LRRC4C: variants seen among roughly 807,000 people sequenced by gnomAD.
LRRC4C encodes leucine rich repeat containing 4C.
LRRC4C carries 5 observed loss-of-function variants against 33.6 expected under a neutral mutation model. The ratio of observed to expected loss-of-function variants is 0.15; its 90% CI spans 0.08 to 0.31. The LOEUF (loss-of-function observed/expected upper bound fraction) is 0.31. Ranked by LOEUF, LRRC4C falls within the 10% of genes least tolerant of loss-of-function variation. LRRC4C has a pLI of 1.00. For missense variants in LRRC4C, 560 were observed against 796.7 expected (o/e 0.70, Z 3.58); for synonymous variants, 329 against 302.0 (o/e 1.09, Z -0.93).
At chr11:40,137,827 AG>A (rs1366287072) in intron 6 of LRRC4C, among the ~76,000 whole-genome samples, 1 of 152,144 alleles carries the variant, frequency 6.6e-6, no homozygotes, top group African/African-American at 2.4e-5. Context: ...ATGAATTGTA[AG>A]ATCATTTTAA....
At chr11:41,400,361 A>G (rs952440923) in intron 1 of LRRC4C, among the ~76,000 whole-genome samples, 8 of 151,852 alleles carry the variant, frequency 5.3e-5, no homozygotes, top group African/African-American at 9.7e-5. Context: ...TTTTCTCCTT[A>G]GCTGTTTCTT....
chr11:40,599,435 G>A (rs1405889909), intron 3 of LRRC4C, among the ~76,000 whole-genome samples: 2 of 152,162 alleles, frequency 1.3e-5, no homozygotes, highest in Non-Finnish European at 2.9e-5. Flanking sequence ...GAGACAGAGC[G>A]AGACCCTGTC....
chr11:41,140,202 C>G lies in LRRC4C; in HGVS notation c.-495-206479G>C, dbSNP rs544440103. On this transcript the variant is annotated intron_variant, in intron 1 of 6. Coordinates refer to ENST00000528697, the MANE Select transcript of LRRC4C (RefSeq NM_001258419.2). ...TAGTAGATGACAATGTTGAAATTTA[C>G]CCAACCCTGCTATCCTGGAAAACAA... 5.3e-5 allele frequency among the ~76,000 whole-genome samples: 8 copies of G among 152,212 alleles called. No homozygotes were observed. The South Asian group carries it at 8.3e-4, about 16-fold the overall frequency.
intron 4 of LRRC4C, among the ~76,000 whole-genome samples, chr11:40,273,254 T>C (rs1404053467): frequency 2.0e-5 from 3 of 152,028 alleles, no homozygotes; most frequent in African/African-American, 7.2e-5. Flanking sequence ...AAACATATAA[T>C]TAGTAGGTAA....
rs573542870 is a variant in LRRC4C, at chr11:40,916,798, TAGAG to T, written c.-407+16833_-407+16836del. Among the ~76,000 whole-genome samples, 21 of 152,114 alleles carry T rather than the reference TAGAG, an allele frequency of 1.4e-4. No individual in the cohort carries two copies. The East Asian group carries it at 3.3e-3, about 24-fold the overall frequency. ...GACTATTGAGACACTTAATTGGTCT[TAGAG>T]GGAGGGTAGAAAAATTGGTTGAGGT... On this transcript the variant is annotated intron_variant, in intron 2 of 6. Transcript: ENST00000528697.
At chr11:41,245,347 G>A (rs1206371758) in intron 1 of LRRC4C, among the ~76,000 whole-genome samples, 1 of 152,134 alleles carries the variant, frequency 6.6e-6, no homozygotes, top group East Asian at 1.9e-4. Context: ...AGCCAGGCAT[G>A]GAGCACGAAA....
At chr11:40,770,081 G>C (rs1316620041) in intron 2 of LRRC4C, among the ~76,000 whole-genome samples, 2 of 152,108 alleles carry the variant, frequency 1.3e-5, no homozygotes, top group Non-Finnish European at 2.9e-5. Flanking sequence ...CACACAGAAT[G>C]ACAGAAAGCA....
intron 1 of LRRC4C, among the ~76,000 whole-genome samples, chr11:41,313,646 G>A (rs1037926038): frequency 1.3e-5 from 2 of 152,170 alleles, no homozygotes; most frequent in South Asian, 2.1e-4. Context: ...GTCTATACTC[G>A]GACCTATTAA....
At chr11:40,797,818 T>G (rs570530758) in intron 2 of LRRC4C, among the ~76,000 whole-genome samples, 3 of 152,182 alleles carry the variant, frequency 2.0e-5, no homozygotes, top group Middle Eastern at 3.4e-3. Flanking sequence ...ATAAGCTTTT[T>G]GGGAACAGAG....
intron 3 of LRRC4C, among the ~76,000 whole-genome samples, chr11:40,356,111 A>T (rs897399162): frequency 1.3e-5 from 2 of 152,096 alleles, no homozygotes; most frequent in African/African-American, 4.8e-5. Flanking sequence ...TCTCGGCTGT[A>T]AAGTCAGTTT....
chr11:40,586,235 C>G (rs889700581), intron 3 of LRRC4C, among the ~76,000 whole-genome samples: 39 of 152,072 alleles, frequency 2.6e-4, no homozygotes, highest in Non-Finnish European at 4.4e-5. Flanking sequence ...TGATGATGAA[C>G]ATTTTTTCAT....
At chr11:40,853,892 T>C (rs941707191) in intron 2 of LRRC4C, among the ~76,000 whole-genome samples, 3 of 152,190 alleles carry the variant, frequency 2.0e-5, no homozygotes, top group Non-Finnish European at 4.4e-5. Context: ...GGTAGAAGGA[T>C]GTGAAGGACA....
At chr11:40,441,713 G>A (rs977982380) in intron 3 of LRRC4C, among the ~76,000 whole-genome samples, 23 of 152,196 alleles carry the variant, frequency 1.5e-4, no homozygotes, top group Non-Finnish European at 3.4e-4. Context: ...CTATGAGAAG[G>A]TGAAAATAAT....
chr11:41,454,167 C>A (rs1480804448), intron 1 of LRRC4C, among the ~76,000 whole-genome samples: 2 of 152,096 alleles, frequency 1.3e-5, no homozygotes, highest in Non-Finnish European at 2.9e-5. Context: ...ACCAGCCGTG[C>A]AGTTAGCAAA....
intron 1 of LRRC4C, among the ~76,000 whole-genome samples, chr11:41,290,303 C>A (rs530426279): frequency 6.6e-6 from 1 of 152,252 alleles, no homozygotes; most frequent in Admixed American, 6.5e-5. Context: ...GCACTCCTGC[C>A]TTTCTATACA....
chr11:40,167,462 G>A lies in LRRC4C; in HGVS notation c.-95-26609C>T, dbSNP rs143949518. ...TTTATGTTTGGGTAAATGTGTCAAC[G>A]TGAACATTAGTCACTAATACAAGGC... On this transcript the variant is annotated intron_variant, in intron 5 of 6. Coordinates refer to ENST00000528697, the MANE Select transcript of LRRC4C (RefSeq NM_001258419.2). 2.3e-3 allele frequency among the ~76,000 whole-genome samples: 356 copies of A among 152,182 alleles called. 4 individuals are homozygous for A. The highest frequency in any genetic ancestry group is 8.1e-3 in the African/African-American group (337 of 41,532).
intron 1 of LRRC4C, among the ~76,000 whole-genome samples, chr11:41,106,491 A>G (rs1941503208): frequency 6.6e-6 from 1 of 151,916 alleles, no homozygotes; most frequent in Admixed American, 6.6e-5. Context: ...TGGAAAAATT[A>G]CTCACTGTCA....
At chr11:41,322,125 A>G (rs1950977142) in intron 1 of LRRC4C, among the ~76,000 whole-genome samples, 1 of 151,966 alleles carries the variant, frequency 6.6e-6, no homozygotes, top group Non-Finnish European at 1.5e-5. Context: ...TCAGCCTCCC[A>G]AAGTGCTGGG....
chr11:41,396,444 T>C (rs1341901103), intron 1 of LRRC4C, among the ~76,000 whole-genome samples: 1 of 151,930 alleles, frequency 6.6e-6, no homozygotes, highest in Non-Finnish European at 1.5e-5. Context: ...CTATATTTCA[T>C]GTATTCTTTT....
Sources: gnomAD v4.1 joint callset for allele counts (sites outside exome capture counted in the v4.1 genomes callset) on GRCh38, gnomAD v4.1.1 for gene constraint, MANE v1.5 for transcripts, NCBI Gene and HGNC (gene_info 2026-07-23, HGNC 2026-07-21) for gene names.